Variants in TOX2 observed in about 807,000 individuals in gnomAD.
TOX2 encodes TOX high mobility group box family member 2.
Under a neutral mutation model 47.4 loss-of-function variants are expected in TOX2, and 15 were observed. That is an observed-to-expected ratio of 0.32 (90% confidence interval 0.21 to 0.49). The LOEUF (loss-of-function observed/expected upper bound fraction) is 0.49. Ranked by LOEUF, TOX2 falls within the 20% of genes least tolerant of loss-of-function variation. The pLI, the probability that TOX2 is intolerant of heterozygous loss-of-function variation, is 0.99. For missense variants in TOX2, 622 were observed against 673.1 expected, an observed-to-expected ratio of 0.92 and a Z score of 0.84; for synonymous variants, 290 against 296.6, an observed-to-expected ratio of 0.98 and a Z score of 0.23.
intron 1 of TOX2, among the ~76,000 whole-genome samples, chr20:43,962,711 C>T (rs910984547): frequency 4.6e-5 from 7 of 152,172 alleles, no homozygotes; most frequent in Non-Finnish European, 1.0e-4. Flanking sequence ...GAAATGGATT[C>T]GGCTACTGCT....
At chr20:43,977,534 G>A (rs2070103171) in intron 2 of TOX2, among the ~76,000 whole-genome samples, 1 of 152,066 alleles carries the variant, frequency 6.6e-6, no homozygotes, top group Non-Finnish European at 1.5e-5. Flanking sequence ...TTAGCTGACT[G>A]TGTCCCTTTT....
chr20:43,983,501 A>G (rs73118300), intron 2 of TOX2, among the ~76,000 whole-genome samples: 19,585 of 152,196 alleles, frequency 0.13, 1,510 homozygotes, highest in South Asian at 0.22. Flanking sequence ...CTCCCTGAGC[A>G]CTGAGGTCCT....
intron 3 of TOX2, among the ~76,000 whole-genome samples, chr20:44,012,647 A>T (rs750853576): frequency 5.9e-5 from 9 of 152,122 alleles, no homozygotes; most frequent in Non-Finnish European, 1.2e-4. Context: ...TCCCAGCCTC[A>T]GTTTTCCTAT....
At chr20:43,921,192 G>A (rs1022161152) in intron 1 of TOX2, among the ~76,000 whole-genome samples, 78 of 152,216 alleles carry the variant, frequency 5.1e-4, no homozygotes, top group Non-Finnish European at 1.2e-4. Context: ...AGAGCAGCCT[G>A]TAGGCGGGAA....
In TOX2 at chr20:44,017,359, C is replaced by T. The variant is rs145167239; in HGVS notation, c.411+10567C>T. Among the ~76,000 whole-genome samples the T allele has an allele frequency of 8.0e-3, 1,211 of 152,232 alleles. 5 individuals carry two copies. The highest frequency in any genetic ancestry group is 0.034 in the Middle Eastern group (10 of 294). On this transcript the variant is annotated intron_variant, in intron 3 of 8. Transcript: ENST00000341197. ...TGGGGTGCTCACCGTCTAGGAGTGGCGGGCAGGGAACAGTGGCCGTGATTT... is the reference window on the plus strand; with the variant it reads ...TGGGGTGCTCACCGTCTAGGAGTGGTGGGCAGGGAACAGTGGCCGTGATTT...
rs2071582886 is a variant in TOX2 at position 44,054,493 on chromosome 20, C to T, written c.846C>T (p.Ser282=). The T allele has an allele frequency of 2.5e-6, 4 of 1,613,936 alleles. No homozygotes were observed. Among genetic ancestry groups the T allele is most frequent in the Non-Finnish European group, 3.4e-6 (4 of 1,179,996 alleles). The stretch of plus-strand genomic sequence containing the variant: ...GTGACGTGTCCAAAATCGTGGCCTC[C>T]ATGTGGGACAGCCTGGGAGAGGAAC... ...TFGDVSKIVA[S]MWDSLGEEQK... is the part of the protein sequence containing the mutation. The change falls in exon 5 of 9, where the codon TCC becomes TCT. Residue 282 remains serine (S), a synonymous_variant. Coordinates refer to ENST00000341197, the MANE Select transcript of TOX2 (RefSeq NM_001098797.2).
intron 5 of TOX2, among the ~76,000 whole-genome samples, chr20:44,062,457 T>G (rs1479137222): frequency 6.6e-6 from 1 of 151,974 alleles, no homozygotes; most frequent in Non-Finnish European, 1.5e-5. Context: ...GTGGAAGACC[T>G]CTACAAGGAA....
In TOX2 at chr20:44,068,854, C is replaced by G. The variant is rs1421741766; in HGVS notation, c.*168C>G. 6.4e-6 allele frequency: 6 copies of G among 931,136 alleles called. No homozygotes were observed. The highest frequency in any genetic ancestry group is 1.6e-5 in the African/African-American group (1 of 61,090). The allele number at this position is 931,136 out of a possible 1,614,324, so 57.7% of individuals were successfully genotyped here. A position where few individuals can be genotyped will look rare whatever the true frequency, so the allele number is the denominator to read the frequency against. On this transcript the variant is annotated 3_prime_UTR_variant, in exon 9 of 9. Coordinates refer to ENST00000341197, the MANE Select transcript of TOX2 (RefSeq NM_001098797.2). ...CTCTTCCTCAACCTCCCACCAGACT[C>G]TGCAGAGGCAGCCCACTGCCCACCA...
chr20:43,941,757 A>G (rs2069405962), intron 1 of TOX2, among the ~76,000 whole-genome samples: 1 of 152,166 alleles, frequency 6.6e-6, no homozygotes, highest in Non-Finnish European at 1.5e-5. Context: ...GGAAGAGCTC[A>G]GCTCTCTGTG....
chr20:43,981,184 T>A (rs1339540818), intron 2 of TOX2, among the ~76,000 whole-genome samples: 1 of 152,240 alleles, frequency 6.6e-6, no homozygotes, highest in Admixed American at 6.5e-5. Context: ...TTGGAGTTCT[T>A]ATGGGGAAAC....
chr20:44,016,412 C>A lies in TOX2; in HGVS notation c.411+9620C>A, dbSNP rs1184177446. On this transcript the variant is annotated intron_variant, in intron 3 of 8. Coordinates refer to ENST00000341197, the MANE Select transcript of TOX2 (RefSeq NM_001098797.2). The stretch of plus-strand genomic sequence containing the variant: ...GTGCCAGGATTACAGACGTGAGCCA[C>A]TATGCCTGGCCTGAAGTAGCATCTT... Among the ~76,000 whole-genome samples the A allele has an allele frequency of 3.3e-5, 5 of 152,170 alleles. No homozygotes were observed. The South Asian group carries it at 1.0e-3, about 32-fold the overall frequency.
At chr20:44,007,878 G>A (rs6031290) in intron 3 of TOX2, among the ~76,000 whole-genome samples, 2,098 of 152,144 alleles carry the variant, frequency 0.014, 48 homozygotes, top group African/African-American at 0.049. Context: ...TTCAGCCCTA[G>A]GCAACCACTA....
chr20:43,985,490 G>C (rs1312465329), intron 2 of TOX2, among the ~76,000 whole-genome samples: 1 of 152,198 alleles, frequency 6.6e-6, no homozygotes, highest in African/African-American at 2.4e-5. Flanking sequence ...GGGGAAGCTT[G>C]GACAAGTTAA....
chr20:43,995,142 C>T (rs1442666635), intron 2 of TOX2, among the ~76,000 whole-genome samples: 1 of 151,260 alleles, frequency 6.6e-6, no homozygotes, highest in Non-Finnish European at 1.5e-5. Context: ...CATTTTTAGT[C>T]CAGGAAAATG....
chr20:44,030,061 T>G (rs914368837), intron 3 of TOX2, among the ~76,000 whole-genome samples: 1 of 152,066 alleles, frequency 6.6e-6, no homozygotes, highest in African/African-American at 2.4e-5. Context: ...TCCAGGCCAT[T>G]TCCACTGCTC....
chr20:43,953,523 T>G (rs1233320581), intron 1 of TOX2, among the ~76,000 whole-genome samples: 1 of 152,178 alleles, frequency 6.6e-6, no homozygotes, highest in Non-Finnish European at 1.5e-5. Flanking sequence ...CTCTCATTGC[T>G]TGGGCTGATC....
chr20:43,933,582 G>A (rs971374261), intron 1 of TOX2, among the ~76,000 whole-genome samples: 1 of 152,196 alleles, frequency 6.6e-6, no homozygotes, highest in South Asian at 2.1e-4. Flanking sequence ...GTTCTTGTGC[G>A]AGAGGTTTGG....
intron 3 of TOX2, among the ~76,000 whole-genome samples, chr20:44,010,105 AT>A (rs577380322): frequency 3.5e-4 from 53 of 152,358 alleles, no homozygotes; most frequent in African/African-American, 9.6e-4. Flanking sequence ...ATTATTTGTA[AT>A]AAAAACGAAT....
chr20:43,945,835 C>A, intron 1 of TOX2: 4 of 1,584,654 alleles, frequency 2.5e-6, no homozygotes, highest in Non-Finnish European at 3.4e-6. Flanking sequence ...GGCCTCCAGC[C>A]AATAGAGGAC....
Sources: gnomAD v4.1 joint callset for allele counts (sites outside exome capture counted in the v4.1 genomes callset) on GRCh38, gnomAD v4.1.1 for gene constraint, MANE v1.5 for transcripts, NCBI Gene and HGNC (gene_info 2026-07-23, HGNC 2026-07-21) for gene names.